Variants in ADGRB3 observed in about 807,000 individuals in gnomAD.
ADGRB3 encodes the protein adhesion G protein-coupled receptor B3, also known as brain-specific angiogenesis inhibitor 3.
A neutral mutation model predicts 193.4 loss-of-function variants in ADGRB3; 37 were observed. That is an observed-to-expected ratio of 0.19 (90% CI 0.15 to 0.25). The LOEUF is 0.25. ADGRB3 is among the 10% of genes least tolerant of loss of function. The pLI is 1.00. For missense variants in ADGRB3, 1,637 were observed against 1,852.9 expected, an observed-to-expected ratio of 0.88 and a Z score of 2.14; for synonymous variants, 690 against 644.2, an observed-to-expected ratio of 1.07 and a Z score of -1.08.
At chr6:68,823,662 T>C (rs190840340) in intron 3 of ADGRB3, among the ~76,000 whole-genome samples, 131 of 152,226 alleles carry the variant, frequency 8.6e-4, no homozygotes, top group African/African-American at 3.0e-3. Context: ...TGATGCAAAA[T>C]GACTCATGCA....
intron 29 of ADGRB3, 87 bp downstream of exon 29, chr6:69,361,599 G>A: frequency 7.1e-7 from 1 of 1,398,726 alleles, no homozygotes; most frequent in South Asian, 1.4e-5. Flanking sequence ...TTGATTGATT[G>A]ATGTGACACT....
chr6:69,343,020 G>A (rs1195394014), intron 26 of ADGRB3, among the ~76,000 whole-genome samples: 1 of 150,462 alleles, frequency 6.6e-6, no homozygotes, highest in Non-Finnish European at 1.5e-5. Context: ...TATTATTTCT[G>A]TGGAGGAGGT....
intron 3 of ADGRB3, among the ~76,000 whole-genome samples, chr6:68,803,502 CA>C (rs1767349225): frequency 6.6e-6 from 1 of 152,102 alleles, no homozygotes; most frequent in African/African-American, 2.4e-5. Flanking sequence ...TTTCCTCTCC[CA>C]CAAAGAAGTA....
chr6:69,179,054 C>A (rs1214463943), intron 17 of ADGRB3, among the ~76,000 whole-genome samples: 2 of 152,042 alleles, frequency 1.3e-5, no homozygotes, highest in African/African-American at 4.8e-5. Context: ...AGGTTGTTTT[C>A]TTTTTCTCTG....
At chr6:69,271,957 G>A (rs566589914) in intron 20 of ADGRB3, among the ~76,000 whole-genome samples, 10 of 152,036 alleles carry the variant, frequency 6.6e-5, no homozygotes, top group Non-Finnish European at 1.5e-4. Context: ...TCTTATTGTT[G>A]TATACACCAT....
At chr6:69,233,853 G>A (rs1247669462) in intron 18 of ADGRB3, among the ~76,000 whole-genome samples, 4 of 152,124 alleles carry the variant, frequency 2.6e-5, no homozygotes, top group African/African-American at 9.7e-5. Context: ...TTTTCTGGAA[G>A]TGTCCTTGGA....
intron 17 of ADGRB3, among the ~76,000 whole-genome samples, chr6:69,224,528 G>A (rs1765968692): frequency 6.6e-6 from 1 of 151,950 alleles, no homozygotes; most frequent in African/African-American, 2.4e-5. Flanking sequence ...CAATGTTCGA[G>A]GCATTTTAAA....
intron 3 of ADGRB3, among the ~76,000 whole-genome samples, chr6:68,866,545 G>A (rs951624241): frequency 3.3e-5 from 5 of 152,202 alleles, no homozygotes; most frequent in African/African-American, 1.2e-4. Context: ...ACCTCAAAAT[G>A]TGGAAGCGAC....
rs143743645 is a variant in ADGRB3, at chr6:68,906,255, T to C, written c.758-24304T>C. ...ATGGTATATATTGGTATATAGCATA[T>C]ATATTGTTGCTTGTGGCCTACAAGC... On this transcript the variant is annotated intron_variant, in intron 3 of 31. Transcript: ENST00000370598. Among the ~76,000 whole-genome samples the C allele has an allele frequency of 1.6e-3, 249 of 151,650 alleles. 3 individuals are homozygous for C. Among genetic ancestry groups the C allele is most frequent in the African/African-American group, 5.8e-3 (240 of 41,208 alleles).
At chr6:69,238,137 T>G (rs1043451144) in intron 19 of ADGRB3, among the ~76,000 whole-genome samples, 4 of 152,008 alleles carry the variant, frequency 2.6e-5, no homozygotes, top group South Asian at 2.1e-4. Flanking sequence ...TGACAGATTT[T>G]TACCTTCCAG....
Position 68,774,465 on chromosome 6 carries a change from T to C in ADGRB3, c.757+135033T>C, listed in dbSNP as rs1348815192. Among the ~76,000 whole-genome samples, 4 of 151,816 alleles carry C rather than the reference T, an allele frequency of 2.6e-5. No individual in the cohort carries two copies. In the East Asian group the frequency reaches 7.8e-4, roughly 30 times the overall value. ...TCTTCTTGGAGTTGTTCCAGGAATATATGTGTTTAGCTTTAATAACCCCCA... is the reference window on the plus strand; with the variant it reads ...TCTTCTTGGAGTTGTTCCAGGAATACATGTGTTTAGCTTTAATAACCCCCA... On this transcript the variant is annotated intron_variant, in intron 3 of 31. Transcript: ENST00000370598.
chr6:69,017,085 T>C (rs556873020), intron 12 of ADGRB3, among the ~76,000 whole-genome samples: 9 of 152,014 alleles, frequency 5.9e-5, no homozygotes, highest in African/African-American at 2.2e-4. Context: ...TCCCAAATCT[T>C]TCTAAAGTTA....
chr6:68,833,226 T>C (rs9454630), intron 3 of ADGRB3, among the ~76,000 whole-genome samples: 36 of 152,074 alleles, frequency 2.4e-4, no homozygotes, highest in African/African-American at 8.7e-4. Flanking sequence ...TTTAATAAAG[T>C]TATTTTTAAA....
chr6:69,118,029 C>T (rs1399602362), intron 17 of ADGRB3, among the ~76,000 whole-genome samples: 1 of 152,130 alleles, frequency 6.6e-6, no homozygotes, highest in East Asian at 1.9e-4. Context: ...ATAATTAACA[C>T]TTTAGACTCA....
intron 3 of ADGRB3, among the ~76,000 whole-genome samples, chr6:68,702,132 G>A (rs1765251799): frequency 6.6e-6 from 1 of 151,976 alleles, no homozygotes; most frequent in Non-Finnish European, 1.5e-5. Flanking sequence ...CTTCTGGGGA[G>A]ACTTCAGGAA....
At chr6:69,332,772 C>A (rs1768756560) in intron 23 of ADGRB3, 151 bp from the exon 24 acceptor site, 2 of 1,426,466 alleles carry the variant, frequency 1.4e-6, no homozygotes, top group Non-Finnish European at 1.8e-6. Context: ...GTTCCGTATG[C>A]CTCTGCTCAC....
At chr6:69,318,098 A>G (rs556790509) in intron 20 of ADGRB3, among the ~76,000 whole-genome samples, 13 of 151,368 alleles carry the variant, frequency 8.6e-5, no homozygotes, top group African/African-American at 3.1e-4. Flanking sequence ...TGTTTTCGTG[A>G]GAAACTCTTG....
chr6:68,668,211 C>G (rs1380404079), intron 3 of ADGRB3, among the ~76,000 whole-genome samples: 1 of 151,904 alleles, frequency 6.6e-6, no homozygotes, highest in East Asian at 1.9e-4. Flanking sequence ...TGGAATGATC[C>G]CCCAAAGGAC....
At chr6:68,939,254 T>G (rs542427939) in intron 5 of ADGRB3, among the ~76,000 whole-genome samples, 1 of 152,282 alleles carries the variant, frequency 6.6e-6, no homozygotes, top group South Asian at 2.1e-4. Context: ...AGGTAGCAAT[T>G]TTTTGAATTT....
Sources: gnomAD v4.1 joint callset for allele counts (sites outside exome capture counted in the v4.1 genomes callset) on GRCh38, gnomAD v4.1.1 for gene constraint, MANE v1.5 for transcripts, NCBI Gene and HGNC (gene_info 2026-07-23, HGNC 2026-07-21) for gene names.